COL26A1: variants seen among roughly 807,000 people sequenced by gnomAD.
The protein encoded by COL26A1 is collagen alpha-1(XXVI) chain.
A neutral mutation model predicts 59.3 loss-of-function variants in COL26A1; 41 were observed. The ratio of observed to expected loss-of-function variants is 0.69; its 90% CI spans 0.54 to 0.90. COL26A1 has a LOEUF of 0.90. Ranked by LOEUF, COL26A1 falls within the 40% of genes least tolerant of loss-of-function variation. The pLI, the probability that COL26A1 is intolerant of heterozygous loss-of-function variation, is 0.00. For synonymous variants in COL26A1, 266 were observed against 256.0 expected (o/e 1.04, Z -0.37); for missense variants, 612 against 602.3 (o/e 1.02, Z -0.17).
At chr7:101,458,813 T>G (rs569868896) in intron 3 of COL26A1, among the ~76,000 whole-genome samples, 40 of 151,446 alleles carry the variant, frequency 2.6e-4, no homozygotes, top group African/African-American at 8.7e-4. Context: ...TCTTTTTTTT[T>G]TTTTTGGAGA....
intron 3 of COL26A1, among the ~76,000 whole-genome samples, chr7:101,506,696 G>A (rs751993538): frequency 6.6e-6 from 1 of 152,240 alleles, no homozygotes; most frequent in Non-Finnish European, 1.5e-5. Context: ...TAGTCAGTGG[G>A]CACCACGGTC....
chr7:101,432,331 G>A (rs1488541818), intron 2 of COL26A1, among the ~76,000 whole-genome samples: 1 of 152,166 alleles, frequency 6.6e-6, no homozygotes, highest in Non-Finnish European at 1.5e-5. Context: ...TGAGATGATG[G>A]TGGCTCATGC....
chr7:101,489,600 T>TC (rs1491397800), intron 3 of COL26A1, among the ~76,000 whole-genome samples: 25 of 143,170 alleles, frequency 1.7e-4, no homozygotes, highest in Middle Eastern at 7.0e-3. Context: ...ATTTTCTTTC[T>TC]TTTTCTTTCT....
chr7:101,482,924 T>C (rs925989957), intron 3 of COL26A1, among the ~76,000 whole-genome samples: 5 of 152,158 alleles, frequency 3.3e-5, no homozygotes, highest in African/African-American at 7.2e-5. Flanking sequence ...GCCACTGTAC[T>C]CCAGCCTGGA....
chr7:101,518,711 G>T (rs191493074), intron 3 of COL26A1, among the ~76,000 whole-genome samples: 1 of 152,300 alleles, frequency 6.6e-6, no homozygotes, highest in Non-Finnish European at 1.5e-5. Context: ...GCTGAAACCG[G>T]CAAGATAAAC....
In COL26A1 at chr7:101,507,791, C is replaced by G. The variant is rs576733073; in HGVS notation, c.386-25291C>G. 1.1e-4 allele frequency among the ~76,000 whole-genome samples: 17 copies of G among 152,164 alleles called. No individual in the cohort carries two copies. In the South Asian group the frequency reaches 3.1e-3, roughly 28 times the overall value. On this transcript the variant is annotated intron_variant, in intron 3 of 12. Transcript: ENST00000313669. ...ACCTCCGGTCTCTCCCCACCAAGAG[C>G]AAGCAGAAATCTAAACATTCCCCTT... is the stretch of plus-strand genomic sequence containing the variant.
intron 3 of COL26A1, among the ~76,000 whole-genome samples, chr7:101,455,906 G>A (rs1210570964): frequency 1.3e-5 from 2 of 151,688 alleles, no homozygotes; most frequent in African/African-American, 4.8e-5. Flanking sequence ...GGCTGGTCTC[G>A]AACTCCTGAC....
intron 2 of COL26A1, among the ~76,000 whole-genome samples, chr7:101,445,690 C>T (rs1400445693): frequency 7.2e-6 from 1 of 138,544 alleles, no homozygotes; most frequent in Admixed American, 7.8e-5. Context: ...CGAGATCCCG[C>T]CACTGCACTC....
chr7:101,532,735 A>G (rs1049401657), intron 3 of COL26A1, among the ~76,000 whole-genome samples: 7 of 152,148 alleles, frequency 4.6e-5, no homozygotes, highest in African/African-American at 1.7e-4. Context: ...ATTGTCAGAT[A>G]TTTTTTGAGT....
intron 1 of COL26A1, among the ~76,000 whole-genome samples, chr7:101,402,549 TTC>T (rs1387331453): frequency 6.6e-6 from 1 of 151,478 alleles, no homozygotes; most frequent in Admixed American, 6.6e-5. Flanking sequence ...TCTTCTTTCT[TTC>T]TCTTTTTCTT....
chr7:101,435,774 C>T (rs1249812306), intron 2 of COL26A1, among the ~76,000 whole-genome samples: 3 of 152,280 alleles, frequency 2.0e-5, no homozygotes. Context: ...TGGCTGTCTC[C>T]CAGGCCCCTC....
chr7:101,499,193 G>T (rs1244544773), intron 3 of COL26A1, among the ~76,000 whole-genome samples: 1 of 152,072 alleles, frequency 6.6e-6, no homozygotes, highest in African/African-American at 2.4e-5. Context: ...CCACAGCCTC[G>T]ACCTTCTGCA....
chr7:101,515,185 G>A (rs1223442437), intron 3 of COL26A1, among the ~76,000 whole-genome samples: 1 of 152,206 alleles, frequency 6.6e-6, no homozygotes, highest in East Asian at 1.9e-4. Flanking sequence ...CCTGAACAGA[G>A]TCTTCTGTCT....
chr7:101,363,302 C>T lies in COL26A1; in HGVS notation c.158+112C>T, dbSNP rs1308366701. On this transcript the variant is annotated intron_variant, in intron 1 of 12. Coordinates refer to ENST00000313669, the MANE Select transcript of COL26A1 (RefSeq NM_001278563.3). ...TTGGGGGCTGGAGAGCGGGGCGATCCGGGACTTGGGGGCGCAGGGCAGCGG... is the reference window on the plus strand; with the variant it reads ...TTGGGGGCTGGAGAGCGGGGCGATCTGGGACTTGGGGGCGCAGGGCAGCGG... The T allele has an allele frequency of 6.6e-6, 5 of 758,764 alleles. No individual in the cohort carries two copies. The African/African-American group carries it at 1.2e-4, about 19-fold the overall frequency. The allele number at this position is 758,764 out of a possible 1,614,324, so 47.0% of individuals were successfully genotyped here. A position where few individuals can be genotyped will look rare whatever the true frequency, so the allele number is the denominator to read the frequency against.
chr7:101,528,460 T>G (rs930839781), intron 3 of COL26A1, among the ~76,000 whole-genome samples: 5 of 151,784 alleles, frequency 3.3e-5, no homozygotes, highest in Admixed American at 6.6e-5. Flanking sequence ...AAGGGTGGGG[T>G]GGTGTCTTCC....
At position 101,363,116 on chromosome 7, in the gene COL26A1, G is replaced by C. The variant is rs760847913; in HGVS notation, c.84G>C (p.Ser28=). The C allele has an allele frequency of 1.3e-4, 197 of 1,545,576 alleles. No individual in the cohort carries two copies. The highest frequency in any genetic ancestry group is 1.6e-4 in the Non-Finnish European group (185 of 1,154,528). The part of the protein sequence containing the change: ...ALATGFLYPF[S]AAALQQHGYP... ...CCACCGGCTTCCTCTATCCCTTCTCGGCCGCAGCTCTGCAGCAGCACGGCT... is the reference window on the plus strand; with the variant it reads ...CCACCGGCTTCCTCTATCCCTTCTCCGCCGCAGCTCTGCAGCAGCACGGCT... The change falls in exon 1 of 13, where the codon TCG becomes TCC. Residue 28 remains serine, a synonymous_variant. Coordinates refer to ENST00000313669, the MANE Select transcript of COL26A1 (RefSeq NM_001278563.3).
chr7:101,441,298 A>G (rs527682783), intron 2 of COL26A1, among the ~76,000 whole-genome samples: 1 of 152,218 alleles, frequency 6.6e-6, no homozygotes, highest in East Asian at 1.9e-4. Flanking sequence ...TGAGTCTGCA[A>G]TTGAAGCTAC....
chr7:101,444,861 T>G (rs1793149133), intron 2 of COL26A1, among the ~76,000 whole-genome samples: 1 of 151,814 alleles, frequency 6.6e-6, no homozygotes, highest in African/African-American at 2.4e-5. Flanking sequence ...TTATTTTTTT[T>G]GAGATGGAGT....
chr7:101,373,004 C>T (rs1791229231), intron 1 of COL26A1, among the ~76,000 whole-genome samples: 1 of 152,114 alleles, frequency 6.6e-6, no homozygotes, highest in Non-Finnish European at 1.5e-5. Flanking sequence ...TGGGCTTGGG[C>T]AGGCAGAGGA....
Sources: gnomAD v4.1 joint callset for allele counts (sites outside exome capture counted in the v4.1 genomes callset) on GRCh38, gnomAD v4.1.1 for gene constraint, MANE v1.5 for transcripts, NCBI Gene and HGNC (gene_info 2026-07-23, HGNC 2026-07-21) for gene names.